The following ANAPC10 variants were observed in gnomAD, a reference collection of about 807,000 sequenced individuals.
ANAPC10 encodes anaphase promoting complex subunit 10, also known as anaphase-promoting complex subunit 10.
A neutral mutation model predicts 22.0 loss-of-function variants in ANAPC10; 12 were observed. The ratio of observed to expected loss-of-function variants is 0.55; its 90% CI spans 0.35 to 0.88. The LOEUF (loss-of-function observed/expected upper bound fraction) is 0.88. Among genes scored for constraint, ANAPC10 ranks in the 40% least tolerant of loss-of-function variants. The pLI, the probability that ANAPC10 is intolerant of heterozygous loss-of-function variation, is 0.01. For synonymous variants in ANAPC10, 65 were observed against 69.5 expected (o/e 0.94, Z 0.32); for missense variants, 188 against 220.9 (o/e 0.85, Z 0.94).
chr4:144,996,905 A>G (rs1731701963), intron 4 of ANAPC10, among the ~76,000 whole-genome samples: 1 of 152,216 alleles, frequency 6.6e-6, no homozygotes, highest in Non-Finnish European at 1.5e-5. Context: ...GACCCCATGA[A>G]GCTGAAAACC....
chr4:145,051,699 C>T (rs554807123), intron 4 of ANAPC10, among the ~76,000 whole-genome samples: 18 of 151,872 alleles, frequency 1.2e-4, no homozygotes, highest in African/African-American at 4.1e-4. Context: ...GAGGAATAAG[C>T]CAACAGCCAC....
At chr4:145,031,616 T>C (rs1031464633) in intron 4 of ANAPC10, among the ~76,000 whole-genome samples, 2 of 152,294 alleles carry the variant, frequency 1.3e-5, no homozygotes, top group Middle Eastern at 3.4e-3. Flanking sequence ...CTGCAACAGG[T>C]CCAGGCTGCT....
intron 4 of ANAPC10, among the ~76,000 whole-genome samples, chr4:145,001,416 A>G (rs538911582): frequency 6.6e-6 from 1 of 152,338 alleles, no homozygotes; most frequent in African/African-American, 2.4e-5. Flanking sequence ...AAGAGTAGTC[A>G]AAAATCATAG....
At chr4:145,088,463 ACTCC>A (rs1273359070) in intron 2 of ANAPC10, among the ~76,000 whole-genome samples, 2 of 151,892 alleles carry the variant, frequency 1.3e-5, no homozygotes, top group Admixed American at 6.6e-5. Flanking sequence ...AAATCTATTT[ACTCC>A]CTCCACTCCC....
chr4:145,097,571 C>T, intron 1 of ANAPC10: 1 of 1,280,944 alleles, frequency 7.8e-7, no homozygotes, highest in South Asian at 1.2e-5. Flanking sequence ...TACTAAATAA[C>T]GGCAGACACA....
intron 4 of ANAPC10, among the ~76,000 whole-genome samples, chr4:145,009,414 G>A (rs984758125): frequency 4.6e-5 from 7 of 151,734 alleles, no homozygotes; most frequent in South Asian, 2.1e-4. Context: ...CAGGCATCAC[G>A]CTACTTCACT....
At chr4:145,058,894 C>T (rs1159496225) in intron 4 of ANAPC10, among the ~76,000 whole-genome samples, 3 of 152,054 alleles carry the variant, frequency 2.0e-5, no homozygotes, top group Non-Finnish European at 2.9e-5. Context: ...TAGAAGGTAA[C>T]ATTTTTTGGC....
rs191510417 is a variant in ANAPC10 at position 145,003,080 on chromosome 4, T to G, written c.328-7477A>C. ...CTTCTTTGTGTCCATGTGTATTCAATGTTTAGCTCCCACTTAAAAGTGAGA... is the reference window on the plus strand; with the variant it reads ...CTTCTTTGTGTCCATGTGTATTCAAGGTTTAGCTCCCACTTAAAAGTGAGA... On this transcript the variant is annotated intron_variant, in intron 4 of 4. Coordinates refer to ENST00000507656, the MANE Select transcript of ANAPC10 (RefSeq NM_001256706.2). 2.2e-4 allele frequency among the ~76,000 whole-genome samples: 34 copies of G among 152,268 alleles called. No homozygotes were observed. In the East Asian group the frequency reaches 4.1e-3, roughly 18 times the overall value.
At chr4:145,061,876 G>C (rs1030784319) in intron 4 of ANAPC10, among the ~76,000 whole-genome samples, 6 of 152,054 alleles carry the variant, frequency 3.9e-5, no homozygotes, top group Non-Finnish European at 8.8e-5. Flanking sequence ...GGGAGGCCGA[G>C]GTGGATAGAT....
intron 4 of ANAPC10, among the ~76,000 whole-genome samples, chr4:144,996,563 G>C (rs1402698639): frequency 6.6e-6 from 1 of 152,070 alleles, no homozygotes; most frequent in Non-Finnish European, 1.5e-5. Context: ...GCTTGCCTGG[G>C]AGGAACCCAC....
chr4:145,089,887 GAACA>G (rs1259032750), intron 2 of ANAPC10, among the ~76,000 whole-genome samples: 1 of 152,004 alleles, frequency 6.6e-6, no homozygotes, highest in Non-Finnish European at 1.5e-5. Flanking sequence ...TCTCAAATAT[GAACA>G]AACACTGATT....
rs1171498376 is a variant in ANAPC10, at chr4:145,096,001, G to C, written c.99C>G (p.Leu33=). The C allele has an allele frequency of 6.2e-7, 1 of 1,614,130 alleles. No homozygotes were observed. The highest frequency in any genetic ancestry group is 1.6e-4 in the Middle Eastern group (1 of 6,062). The stretch of plus-strand genomic sequence containing the variant: ...AGTTTTTACCTGGTTTGCAAGATGA[G>C]AGTGACCAAACAGCTTGTGACCCAA... ...REIGSQAVWS[L]SSCKPGFGVD... is the part of the protein sequence containing the mutation. Residue 33 remains leucine, a synonymous_variant, in exon 2 of 5, where the codon CTC becomes CTG. Coordinates refer to ENST00000507656, the MANE Select transcript of ANAPC10 (RefSeq NM_001256706.2).
intron 4 of ANAPC10, among the ~76,000 whole-genome samples, chr4:145,056,391 G>A (rs1742077984): frequency 6.6e-6 from 1 of 152,148 alleles, no homozygotes. Context: ...CCCTTGTTTA[G>A]CATATCATCA....
At position 144,995,359 on chromosome 4, in the gene ANAPC10, G is replaced by C; in HGVS notation, c.*14C>G. ...AACAAAGATACGTTTAATGATTTTC[G>C]TCTCATTTTAAAGTCACCTTATTGA... is the stretch of plus-strand genomic sequence containing the variant. On this transcript the variant is annotated 3_prime_UTR_variant, in exon 5 of 5. Transcript: ENST00000507656. 1 of 1,520,528 alleles carries C rather than the reference G, an allele frequency of 6.6e-7. No homozygotes were observed. Among genetic ancestry groups the C allele is most frequent in the Non-Finnish European group, 9.1e-7 (1 of 1,101,746 alleles). The allele number at this position is 1,520,528 out of a possible 1,614,324, so 94.2% of individuals were successfully genotyped here.
chr4:145,083,706 T>C (rs1746438094), intron 2 of ANAPC10, among the ~76,000 whole-genome samples: 2 of 152,142 alleles, frequency 1.3e-5, no homozygotes, highest in South Asian at 2.1e-4. Context: ...ATAGAATAAT[T>C]GCACTTTTAT....
At chr4:144,999,496 T>G (rs1418801073) in intron 4 of ANAPC10, among the ~76,000 whole-genome samples, 3 of 152,100 alleles carry the variant, frequency 2.0e-5, no homozygotes, top group Non-Finnish European at 4.4e-5. Flanking sequence ...GAAGGAGAAC[T>G]ACACAACCAC....
At chr4:145,015,021 A>C (rs528404410) in intron 4 of ANAPC10, among the ~76,000 whole-genome samples, 7 of 152,150 alleles carry the variant, frequency 4.6e-5, no homozygotes, top group African/African-American at 1.7e-4. Context: ...ATATGACAAA[A>C]CAAGGCTCCT....
intron 4 of ANAPC10, among the ~76,000 whole-genome samples, chr4:145,026,554 G>A (rs1195196858): frequency 6.6e-6 from 1 of 151,848 alleles, no homozygotes; most frequent in Non-Finnish European, 1.5e-5. Context: ...CTTCCAGACT[G>A]GCTACACTAT....
intron 1 of ANAPC10, chr4:145,097,912 C>A: frequency 4.5e-6 from 1 of 224,210 alleles, no homozygotes; most frequent in South Asian, 5.7e-5. Flanking sequence ...AAGTTGAGGC[C>A]TAGAAGAGCG....
Sources: allele counts gnomAD v4.1 joint callset (sites outside exome capture counted in the v4.1 genomes callset), GRCh38; gene constraint gnomAD v4.1.1; transcripts MANE v1.5; gene names NCBI Gene and HGNC (gene_info 2026-07-23, HGNC 2026-07-21).